Variants in CDK14 observed in about 807,000 individuals in gnomAD.
The protein encoded by CDK14 is cyclin-dependent kinase 14.
CDK14 carries 34 observed loss-of-function variants against 60.7 expected under a neutral mutation model. That is an observed-to-expected ratio of 0.56 (90% CI 0.43 to 0.75). The LOEUF (loss-of-function observed/expected upper bound fraction) is 0.75, where lower values mean the gene tolerates loss of function less well. CDK14 is among the 30% of genes least tolerant of loss of function. The probability of loss-of-function intolerance (pLI) is 0.00; values close to 1 mark genes in which losing one functional copy is unlikely to be tolerated. For missense variants in CDK14, 482 were observed against 564.1 expected, an observed-to-expected ratio of 0.85 and a Z score of 1.47; for synonymous variants, 197 against 203.7, an observed-to-expected ratio of 0.97 and a Z score of 0.28.
chr7:91,132,049 C>G (rs1800134949), intron 14 of CDK14, among the ~76,000 whole-genome samples: 1 of 151,846 alleles, frequency 6.6e-6, no homozygotes, highest in South Asian at 2.1e-4. Context: ...TATTGGTGCT[C>G]TACTAGACAA....
intron 14 of CDK14, among the ~76,000 whole-genome samples, chr7:91,171,292 G>A (rs75289231): frequency 0.034 from 5,184 of 152,030 alleles, 155 homozygotes; most frequent in Admixed American, 0.083. Context: ...GGAGCTTGCA[G>A]TGAGCCGAGA....
intron 2 of CDK14, among the ~76,000 whole-genome samples, chr7:90,675,552 G>T (rs973645590): frequency 6.6e-6 from 1 of 152,074 alleles, no homozygotes; most frequent in Non-Finnish European, 1.5e-5. Context: ...TAAATAACCA[G>T]CCAACTCTAT....
At chr7:90,879,814 C>T (rs897914298) in intron 6 of CDK14, among the ~76,000 whole-genome samples, 2 of 151,846 alleles carry the variant, frequency 1.3e-5, no homozygotes, top group Admixed American at 1.3e-4. Flanking sequence ...GGGCATTACC[C>T]ACCGAGAGAA....
intron 10 of CDK14, among the ~76,000 whole-genome samples, chr7:91,009,384 C>T (rs972326356): frequency 6.6e-6 from 1 of 152,110 alleles, no homozygotes; most frequent in African/African-American, 2.4e-5. Context: ...CCGTTGGATT[C>T]CCGTAAGAGT....
intron 2 of CDK14, among the ~76,000 whole-genome samples, chr7:90,624,052 T>C (rs1481732504): frequency 6.6e-6 from 1 of 152,200 alleles, no homozygotes. Context: ...TTTCAGTGAA[T>C]TTTTGCAACA....
chr7:91,033,511 T>C, intron 10 of CDK14, among the ~76,000 whole-genome samples: 1 of 152,292 alleles, frequency 6.6e-6, no homozygotes, highest in South Asian at 2.1e-4. Flanking sequence ...GTAAACCACC[T>C]GGGGTTCTTC....
intron 10 of CDK14, among the ~76,000 whole-genome samples, chr7:90,994,111 T>C (rs2115708625): frequency 6.6e-6 from 1 of 152,340 alleles, no homozygotes; most frequent in African/African-American, 2.4e-5. Context: ...ACAATAGTCA[T>C]TTTTAAATTT....
Position 90,955,942 on chromosome 7 carries a change from C to T in CDK14, c.947+125C>T, listed in dbSNP as rs942384030. 5 of 1,099,486 alleles carry T rather than the reference C, an allele frequency of 4.5e-6. No individual in the cohort carries two copies. In the African/African-American group the frequency reaches 7.8e-5, roughly 17 times the overall value. 68.1% of individuals were successfully genotyped at this position (1,099,486 alleles called of 1,614,324 possible). On this transcript the variant is annotated intron_variant, in intron 9 of 14. Coordinates refer to ENST00000380050, the MANE Select transcript of CDK14 (RefSeq NM_001287135.2). Reference sequence around the variant, plus strand: ...GCAGGAGTGTTTGCCTGCATGTGGCCATGCTGCTGGATGTTTTAAAACATG... The same window carrying T: ...GCAGGAGTGTTTGCCTGCATGTGGCTATGCTGCTGGATGTTTTAAAACATG...
At chr7:90,634,347 C>T (rs577535411) in intron 2 of CDK14, among the ~76,000 whole-genome samples, 53 of 138,666 alleles carry the variant, frequency 3.8e-4, no homozygotes, top group South Asian at 2.5e-3. Flanking sequence ...CATGTGTTCT[C>T]ATTGTTCAAT....
intron 14 of CDK14, among the ~76,000 whole-genome samples, chr7:91,147,557 T>A (rs1800692192): frequency 6.6e-6 from 1 of 152,214 alleles, no homozygotes; most frequent in Non-Finnish European, 1.5e-5. Context: ...ATTTACTGTC[T>A]CAGATAACTC....
intron 7 of CDK14, among the ~76,000 whole-genome samples, chr7:90,917,248 T>C (rs1434147363): frequency 6.6e-6 from 1 of 152,170 alleles, no homozygotes; most frequent in East Asian, 1.9e-4. Flanking sequence ...ATATTATGAA[T>C]AGATTTCCTC....
At chr7:91,073,103 A>G (rs1484767774) in intron 11 of CDK14, among the ~76,000 whole-genome samples, 1 of 152,228 alleles carries the variant, frequency 6.6e-6, no homozygotes, top group Non-Finnish European at 1.5e-5. Context: ...ATTTCAGGAT[A>G]TTATCTAGGA....
chr7:90,880,807 A>G (rs1791724751), intron 6 of CDK14, among the ~76,000 whole-genome samples: 1 of 152,140 alleles, frequency 6.6e-6, no homozygotes, highest in Non-Finnish European at 1.5e-5. Flanking sequence ...ATAGGGCCTG[A>G]AGTGAACTCT....
At chr7:91,203,284 A>T (rs1346023420) in intron 14 of CDK14, among the ~76,000 whole-genome samples, 2 of 152,208 alleles carry the variant, frequency 1.3e-5, no homozygotes, top group Non-Finnish European at 2.9e-5. Context: ...GGAACTCTAC[A>T]TATGAGAACA....
At chr7:91,185,823 C>T (rs367856312) in intron 14 of CDK14, among the ~76,000 whole-genome samples, 9 of 152,056 alleles carry the variant, frequency 5.9e-5, no homozygotes, top group African/African-American at 1.2e-4. Flanking sequence ...GTGCAAACAT[C>T]GCCACAATCT....
chr7:90,881,057 C>G (rs752024965), intron 6 of CDK14, among the ~76,000 whole-genome samples: 1 of 152,140 alleles, frequency 6.6e-6, no homozygotes, highest in Non-Finnish European at 1.5e-5. Flanking sequence ...TGCAATGTCT[C>G]TCCATCAAGG....
At chr7:90,869,650 C>G (rs1791302654) in intron 6 of CDK14, among the ~76,000 whole-genome samples, 1 of 152,146 alleles carries the variant, frequency 6.6e-6, no homozygotes, top group Admixed American at 6.5e-5. Flanking sequence ...GAGGCTATTG[C>G]AATAAGATCT....
At chr7:91,203,175 C>G (rs1158774545) in intron 14 of CDK14, among the ~76,000 whole-genome samples, 1 of 151,596 alleles carries the variant, frequency 6.6e-6, no homozygotes, top group Non-Finnish European at 1.5e-5. Flanking sequence ...TCCTACCAAC[C>G]ATCCTCAGGC....
At chr7:90,977,763 T>G (rs1795120572) in intron 9 of CDK14, among the ~76,000 whole-genome samples, 1 of 152,060 alleles carries the variant, frequency 6.6e-6, no homozygotes, top group African/African-American at 2.4e-5. Context: ...TCACACAGAA[T>G]AGCCAGGGGG....
Sources: allele counts gnomAD v4.1 joint callset (sites outside exome capture counted in the v4.1 genomes callset), GRCh38; gene constraint gnomAD v4.1.1; transcripts MANE v1.5; gene names NCBI Gene and HGNC (gene_info 2026-07-23, HGNC 2026-07-21).